RASA1: variants seen among roughly 807,000 people sequenced by gnomAD.
RASA1 encodes the protein RAS p21 protein activator 1, also known as ras GTPase-activating protein 1.
Under a neutral mutation model 132.2 loss-of-function variants are expected in RASA1, and 25 were observed. The ratio of observed to expected loss-of-function variants is 0.19; its 90% CI spans 0.14 to 0.26. The LOEUF is 0.26. Ranked by LOEUF, RASA1 falls within the 10% of genes least tolerant of loss-of-function variation. The pLI is 1.00. For synonymous variants in RASA1, 477 were observed against 449.9 expected (o/e 1.06, Z -0.76); for missense variants, 964 against 1,299.2 (o/e 0.74, Z 3.97).
At chr5:87,334,054 G>A (rs909953809) in intron 4 of RASA1, among the ~76,000 whole-genome samples, 1 of 152,174 alleles carries the variant, frequency 6.6e-6, no homozygotes, top group East Asian at 1.9e-4. Flanking sequence ...GGATCTTTGA[G>A]ATCCATTTAG....
rs994486177 is a variant in RASA1, at chr5:87,278,971, C to A, written c.539+9981C>A. Among the ~76,000 whole-genome samples, 4 of 127,182 alleles carry A rather than the reference C, an allele frequency of 3.1e-5. No homozygotes were observed. The East Asian group carries it at 9.8e-4, about 31-fold the overall frequency. The allele number at this position is 127,182 out of a possible 152,430, so 83.4% of individuals were successfully genotyped here. A position where few individuals can be genotyped will look rare whatever the true frequency, so the allele number is the denominator to read the frequency against. ...TAAAGAAGATTATGCGGGCTGGGTG[C>A]AATGGCTCATTCCTGTAATCTCAGC... is the stretch of plus-strand genomic sequence containing the variant. On this transcript the variant is annotated intron_variant, in intron 1 of 24. Coordinates refer to ENST00000274376, the MANE Select transcript of RASA1 (RefSeq NM_002890.3).
intron 21 of RASA1, among the ~76,000 whole-genome samples, chr5:87,384,613 G>A (rs920711091): frequency 2.6e-5 from 4 of 151,942 alleles, no homozygotes; most frequent in East Asian, 1.9e-4. Context: ...CTGGATGTTC[G>A]CCTCAGACAA....
chr5:87,370,187 C>A (rs1428783001), intron 12 of RASA1, among the ~76,000 whole-genome samples: 1 of 152,158 alleles, frequency 6.6e-6, no homozygotes, highest in Non-Finnish European at 1.5e-5. Context: ...ATCCTCTCTG[C>A]ATAAAGGTTA....
intron 10 of RASA1, 63 bp from the exon 11 acceptor site, chr5:87,363,279 CTAATTT>C (rs1760253128): frequency 7.4e-7 from 1 of 1,345,980 alleles, no homozygotes; most frequent in African/African-American, 1.5e-5. Context: ...TTTAGAAACA[CTAATTT>C]TAATAATATG....
intron 1 of RASA1, among the ~76,000 whole-genome samples, chr5:87,322,147 A>C (rs1756867504): frequency 6.6e-6 from 1 of 151,940 alleles, no homozygotes; most frequent in African/African-American, 2.4e-5. Context: ...TTCAAGTGAG[A>C]GCTGGTTGTT....
chr5:87,313,145 G>A (rs1187856134), intron 1 of RASA1, among the ~76,000 whole-genome samples: 15 of 152,182 alleles, frequency 9.9e-5, no homozygotes, highest in Non-Finnish European at 1.5e-5. Flanking sequence ...GGGTGTTTAA[G>A]TGAGGAAACT....
At chr5:87,280,432 C>A (rs1288794257) in intron 1 of RASA1, among the ~76,000 whole-genome samples, 1 of 152,094 alleles carries the variant, frequency 6.6e-6, no homozygotes, top group African/African-American at 2.4e-5. Context: ...CCTGCCTCAG[C>A]CTCCCAAGTA....
At chr5:87,292,904 A>T (rs1043366766) in intron 1 of RASA1, among the ~76,000 whole-genome samples, 1 of 152,040 alleles carries the variant, frequency 6.6e-6, no homozygotes, top group Non-Finnish European at 1.5e-5. Flanking sequence ...TTGGTTGCTA[A>T]TGTAAATGGT....
intron 18 of RASA1, 143 bp from the exon 19 acceptor site, chr5:87,379,592 C>G: frequency 8.6e-7 from 1 of 1,162,670 alleles, no homozygotes; most frequent in Non-Finnish European, 1.2e-6. Context: ...TTAAAAACTC[C>G]CATTATACAA....
At position 87,376,996 on chromosome 5, in the gene RASA1, C is replaced by G. The variant is rs763915835; in HGVS notation, c.2300C>G (p.Ser767Trp). The G allele has an allele frequency of 2.5e-6, 4 of 1,613,598 alleles. No homozygotes were observed. The Admixed American group carries it at 6.7e-5, about 27-fold the overall frequency. Residue 767 changes from serine to tryptophan, a missense_variant, in exon 17 of 25, where the codon TCG becomes TGG. Physicochemically the swap from Ser to Trp is radical, Grantham distance 177. Transcript: ENST00000274376. ...LRIFLHEKLESLLLCTLNDRE... is the reference protein window; with the variant it reads ...LRIFLHEKLEWLLLCTLNDRE... Reference sequence around the variant, plus strand: ...ATTTTTCTTCACGAAAAGCTTGAATCGTTGTTGTTATGCACACTAAATGAC... The same window carrying G: ...ATTTTTCTTCACGAAAAGCTTGAATGGTTGTTGTTATGCACACTAAATGAC...
chr5:87,380,970 T>A (rs1016001046), intron 20 of RASA1, among the ~76,000 whole-genome samples: 4 of 152,182 alleles, frequency 2.6e-5, no homozygotes, highest in African/African-American at 9.7e-5. Flanking sequence ...ATTAATTGGT[T>A]TGTTACAATC....
At position 87,391,045 on chromosome 5, in the gene RASA1, C is replaced by G; in HGVS notation, c.*162C>G. 1.4e-6 allele frequency: 1 copy of G among 737,200 alleles called. No individual in the cohort carries two copies. The highest frequency in any genetic ancestry group is 2.7e-5 in the East Asian group (1 of 37,364). The allele number at this position is 737,200 out of a possible 1,614,324, so 45.7% of individuals were successfully genotyped here. A position where few individuals can be genotyped will look rare whatever the true frequency, so the allele number is the denominator to read the frequency against. On this transcript the variant is annotated 3_prime_UTR_variant, in exon 25 of 25. Transcript: ENST00000274376. ...AATCCAAGATTCTGCTGGTGAATAA[C>G]TATGCCAGCAACCTTGTAAGCTATC...
rs550035959 is a variant in RASA1 at position 87,287,243 on chromosome 5, T to C, written c.539+18253T>C. Among the ~76,000 whole-genome samples, 8 of 144,244 alleles carry C rather than the reference T, an allele frequency of 5.5e-5. 1 individual carries two copies. The East Asian group carries it at 1.2e-3, about 22-fold the overall frequency. 94.6% of individuals were successfully genotyped at this position (144,244 alleles called of 152,430 possible). A position where few individuals can be genotyped will look rare whatever the true frequency, so the allele number is the denominator to read the frequency against. ...ACCGTATATATACACACCATATATA[T>C]ACCGTATATATACACACCATATACA... On this transcript the variant is annotated intron_variant, in intron 1 of 24. Transcript: ENST00000274376.
At position 87,338,533 on chromosome 5, in the gene RASA1, A is replaced by ATATATATAT. The variant is rs1491365794; in HGVS notation, c.1017+442_1017+443insTATATATAT. ...TATATATATATATATATATATATAT[A>ATATATATAT]AAATTTTTTTTTTTTTTAAGTAGAA... is the stretch of plus-strand genomic sequence containing the variant. On this transcript the variant is annotated intron_variant, in intron 5 of 24. Coordinates refer to ENST00000274376, the MANE Select transcript of RASA1 (RefSeq NM_002890.3). Among the ~76,000 whole-genome samples, 345 of 91,112 alleles carry ATATATATAT rather than the reference A, an allele frequency of 3.8e-3. 11 individuals carry two copies. Among genetic ancestry groups the ATATATATAT allele is most frequent in the Middle Eastern group, 6.5e-3 (1 of 154 alleles). 59.8% of individuals were successfully genotyped at this position (91,112 alleles called of 152,430 possible). A position where few individuals can be genotyped will look rare whatever the true frequency, so the allele number is the denominator to read the frequency against.
chr5:87,295,555 C>T (rs1210586509), intron 1 of RASA1, among the ~76,000 whole-genome samples: 2 of 151,754 alleles, frequency 1.3e-5, no homozygotes, highest in African/African-American at 2.4e-5. Context: ...ATCACCCAGG[C>T]TGGAGTACAG....
At chr5:87,306,681 C>CT (rs777096633) in intron 1 of RASA1, among the ~76,000 whole-genome samples, 63 of 151,574 alleles carry the variant, frequency 4.2e-4, no homozygotes, top group Non-Finnish European at 7.1e-4. Context: ...TAGATGTGGC[C>CT]TTTTTTTTAA....
At chr5:87,385,476 T>C in intron 22 of RASA1, 87 bp downstream of exon 22, 1 of 1,026,200 alleles carries the variant, frequency 9.7e-7, no homozygotes, top group Non-Finnish European at 1.5e-6. Context: ...AGTAAATTTT[T>C]AGCAGTGAAA....
intron 18 of RASA1, among the ~76,000 whole-genome samples, 163 bp downstream of exon 18, chr5:87,378,701 A>G (rs1427972265): frequency 6.6e-6 from 1 of 152,206 alleles, no homozygotes. Context: ...GTTCTGCAAA[A>G]TGGACTTCTT....
intron 1 of RASA1, among the ~76,000 whole-genome samples, chr5:87,314,199 AAAAT>A (rs1361168843): frequency 6.6e-6 from 1 of 152,162 alleles, no homozygotes; most frequent in Non-Finnish European, 1.5e-5. Context: ...AAAAAATAAA[AAAAT>A]AAAGAAAGTG....
Sources: gnomAD v4.1 joint callset for allele counts (sites outside exome capture counted in the v4.1 genomes callset) on GRCh38, gnomAD v4.1.1 for gene constraint, MANE v1.5 for transcripts, NCBI Gene and HGNC (gene_info 2026-07-23, HGNC 2026-07-21) for gene names.